Variants in ARHGAP25 observed in about 807,000 individuals in gnomAD.
ARHGAP25 encodes the protein Rho GTPase activating protein 25, also known as rho GTPase-activating protein 25.
In ARHGAP25, 34 loss-of-function variants were observed where a neutral mutation model predicts 71.0. The observed-to-expected ratio is 0.48, with a 90% CI of 0.36 to 0.64. The LOEUF is 0.64. ARHGAP25 is among the 30% of genes least tolerant of loss of function. The probability of loss-of-function intolerance (pLI) is 0.00; values close to 1 mark genes in which losing one functional copy is unlikely to be tolerated. For synonymous variants in ARHGAP25, 282 were observed against 296.5 expected, an observed-to-expected ratio of 0.95 and a Z score of 0.50; for missense variants, 706 against 805.1, an observed-to-expected ratio of 0.88 and a Z score of 1.49.
At chr2:68,715,103 T>C (rs910546237) in intron 2 of ARHGAP25, among the ~76,000 whole-genome samples, 1 of 152,086 alleles carries the variant, frequency 6.6e-6, no homozygotes, top group South Asian at 2.1e-4. Flanking sequence ...AACTTGAACC[T>C]TGTGAGCAGG....
chr2:68,739,868 C>T (rs1484546301), intron 1 of ARHGAP25, among the ~76,000 whole-genome samples: 2 of 152,062 alleles, frequency 1.3e-5, no homozygotes, highest in East Asian at 3.8e-4. Flanking sequence ...CATCCTTTTT[C>T]TCTTTGAAAG....
intron 7 of ARHGAP25, 103 bp downstream of exon 7, chr2:68,816,465 C>G: frequency 1.1e-6 from 1 of 924,056 alleles, no homozygotes; most frequent in Non-Finnish European, 1.7e-6. Context: ...AGATTCTGGT[C>G]TAGCACTTTG....
intron 5 of ARHGAP25, among the ~76,000 whole-genome samples, chr2:68,812,219 T>A (rs1680876901): frequency 6.6e-6 from 1 of 151,822 alleles, no homozygotes; most frequent in African/African-American, 2.4e-5. Flanking sequence ...GATGCTGACA[T>A]CTGAATTTCC....
At chr2:68,747,346 C>A (rs34803574) in intron 1 of ARHGAP25, among the ~76,000 whole-genome samples, 1 of 152,040 alleles carries the variant, frequency 6.6e-6, no homozygotes, top group Admixed American at 6.6e-5. Context: ...GAGCCTAGTA[C>A]AAAATGAAAA....
In ARHGAP25 at chr2:68,807,340, C is replaced by T. The variant is rs1201292000; in HGVS notation, c.534C>T (p.Pro178=). The T allele has an allele frequency of 3.7e-6, 6 of 1,614,252 alleles. No individual in the cohort carries two copies. Among genetic ancestry groups the T allele is most frequent in the Non-Finnish European group, 5.1e-6 (6 of 1,180,048 alleles). ...YEQKFGPHLV[P]ILVEKCAEFI... is the part of the protein sequence containing the mutation. The stretch of plus-strand genomic sequence containing the variant: ...AGAAATTCGGCCCCCATCTGGTGCC[C>T]ATCCTGGTGGAGAAATGTGCAGAGT... The change falls in exon 5 of 11, where the codon CCC becomes CCT. Residue 178 remains proline, a synonymous_variant. Transcript: ENST00000409202.
intron 2 of ARHGAP25, among the ~76,000 whole-genome samples, chr2:68,728,528 T>A (rs1161580404): frequency 6.6e-6 from 1 of 152,144 alleles, no homozygotes; most frequent in Non-Finnish European, 1.5e-5. Flanking sequence ...AAAAACTTGC[T>A]TATTCAATTG....
chr2:68,751,967 G>T (rs1222922458), intron 1 of ARHGAP25, among the ~76,000 whole-genome samples: 3 of 152,122 alleles, frequency 2.0e-5, no homozygotes, highest in Non-Finnish European at 4.4e-5. Context: ...TTCCGTTGGC[G>T]CTACCAACTG....
chr2:68,738,724 G>C (rs34636714), intron 1 of ARHGAP25, among the ~76,000 whole-genome samples: 7,668 of 151,966 alleles, frequency 0.05, 267 homozygotes, highest in Middle Eastern at 0.088. Flanking sequence ...GGGAGGCTGA[G>C]GCAGGATAAT....
intron 2 of ARHGAP25, among the ~76,000 whole-genome samples, chr2:68,721,646 C>T (rs116557574): frequency 0.025 from 3,748 of 152,294 alleles, 146 homozygotes; most frequent in African/African-American, 0.085. Flanking sequence ...GTGAAATCAG[C>T]TGCTCTAGTT....
chr2:68,771,867 A>G (rs987211790), intron 1 of ARHGAP25, among the ~76,000 whole-genome samples: 1 of 152,204 alleles, frequency 6.6e-6, no homozygotes, highest in Non-Finnish European at 1.5e-5. Flanking sequence ...GGTATCCTTT[A>G]TGGATATAAA....
intron 4 of ARHGAP25, among the ~76,000 whole-genome samples, chr2:68,797,931 C>A (rs1679683809): frequency 6.6e-6 from 1 of 152,262 alleles, no homozygotes; most frequent in South Asian, 2.1e-4. Flanking sequence ...GCCTCAGCCA[C>A]ACAGCTTTCC....
At chr2:68,727,005 G>T (rs917351344) in intron 2 of ARHGAP25, among the ~76,000 whole-genome samples, 1 of 151,628 alleles carries the variant, frequency 6.6e-6, no homozygotes, top group East Asian at 1.9e-4. Flanking sequence ...CTTTTAAAAA[G>T]ATATAGACTA....
intron 1 of ARHGAP25, among the ~76,000 whole-genome samples, chr2:68,737,267 C>T (rs1675270284): frequency 6.6e-6 from 1 of 152,162 alleles, no homozygotes; most frequent in African/African-American, 2.4e-5. Context: ...CATCCTGTGT[C>T]CAGGTGTAAC....
chr2:68,735,003 A>C lies in ARHGAP25; in HGVS notation c.-197A>C, dbSNP rs971529312. On this transcript the variant is annotated 5_prime_UTR_variant, in exon 1 of 11. The change abolishes an upstream ATG in the 5' untranslated region. Coordinates refer to ENST00000409202, the MANE Select transcript of ARHGAP25 (RefSeq NM_001007231.3). ...TTTGGGTGCCATCCTCCAGTGACAG[A>C]TGGATGGACCTTTCATCTAAGAGAA... The C allele has an allele frequency of 2.6e-5, 16 of 618,802 alleles. No homozygotes were observed. The highest frequency in any genetic ancestry group is 5.6e-5 in the Admixed American group (2 of 36,030). 38.3% of individuals were successfully genotyped at this position (618,802 alleles called of 1,614,324 possible). A position where few individuals can be genotyped will look rare whatever the true frequency, so the allele number is the denominator to read the frequency against.
chr2:68,820,434 A>G (rs533002836), intron 9 of ARHGAP25, among the ~76,000 whole-genome samples: 8 of 152,328 alleles, frequency 5.3e-5, no homozygotes, highest in African/African-American at 1.7e-4. Flanking sequence ...AGGAGGACTC[A>G]GATCCAGTCC....
chr2:68,762,586 C>G (rs192512928), intron 1 of ARHGAP25, among the ~76,000 whole-genome samples: 51 of 152,242 alleles, frequency 3.3e-4, no homozygotes, highest in African/African-American at 9.9e-4. Context: ...GTCACCCCCT[C>G]ATGGTTCTCC....
chr2:68,802,043 T>C (rs1680003128), intron 4 of ARHGAP25, among the ~76,000 whole-genome samples: 1 of 152,166 alleles, frequency 6.6e-6, no homozygotes, highest in African/African-American at 2.4e-5. Flanking sequence ...GAAACAGAGT[T>C]GCAAAAGAAA....
intron 3 of ARHGAP25, among the ~76,000 whole-genome samples, chr2:68,784,001 G>A (rs1429276741): frequency 2.0e-5 from 3 of 152,274 alleles, no homozygotes; most frequent in East Asian, 3.9e-4. Flanking sequence ...AGATCCAGCT[G>A]AAGATTCACT....
chr2:68,729,846 A>G (rs1208541708), upstream of ARHGAP25, among the ~76,000 whole-genome samples: 1 of 152,256 alleles, frequency 6.6e-6, no homozygotes, highest in Non-Finnish European at 1.5e-5. Context: ...AAACCTTAGT[A>G]TAAGTATATT....
Sources: allele counts gnomAD v4.1 joint callset (sites outside exome capture counted in the v4.1 genomes callset), GRCh38; gene constraint gnomAD v4.1.1; transcripts MANE v1.5; gene names NCBI Gene and HGNC (gene_info 2026-07-23, HGNC 2026-07-21).